STON2: variants seen among roughly 807,000 people sequenced by gnomAD.
STON2 encodes stonin 2.
A neutral mutation model predicts 65.7 loss-of-function variants in STON2; 29 were observed. That is an observed-to-expected ratio of 0.44 (90% CI 0.33 to 0.60). The LOEUF (loss-of-function observed/expected upper bound fraction) is 0.60, where lower values mean the gene tolerates loss of function less well. Among genes scored for constraint, STON2 ranks in the 20% least tolerant of loss-of-function variants. The pLI is 0.03. For synonymous variants in STON2, 404 were observed against 414.2 expected, an observed-to-expected ratio of 0.98 and a Z score of 0.30; for missense variants, 1,054 against 1,118.1, an observed-to-expected ratio of 0.94 and a Z score of 0.82.
chr14:81,262,374 A>G lies in STON2; in HGVS notation c.*6040T>C. 2 of 985,412 alleles carry G rather than the reference A, an allele frequency of 2.0e-6. No individual in the cohort carries two copies. The highest frequency in any genetic ancestry group is 2.4e-6 in the Non-Finnish European group (2 of 829,876). 61.0% of individuals were successfully genotyped at this position (985,412 alleles called of 1,614,324 possible). On this transcript the variant is annotated 3_prime_UTR_variant, in exon 8 of 8. Transcript: ENST00000614646. Reference sequence around the variant, plus strand: ...CTGGCTGCTAACACAGCACCTGACCAGAGTAGACATTTGATAAATATTTGT... The same window carrying G: ...CTGGCTGCTAACACAGCACCTGACCGGAGTAGACATTTGATAAATATTTGT...
At chr14:81,318,614 G>C (rs1016090238) in intron 5 of STON2, among the ~76,000 whole-genome samples, 2 of 152,200 alleles carry the variant, frequency 1.3e-5, no homozygotes, top group Non-Finnish European at 2.9e-5. Flanking sequence ...ACTTTGAAAG[G>C]CTGAGGCGGG....
chr14:81,344,854 T>G (rs941610883), intron 4 of STON2, among the ~76,000 whole-genome samples: 4 of 152,250 alleles, frequency 2.6e-5, no homozygotes, highest in African/African-American at 9.6e-5. Flanking sequence ...ATATCCTTTC[T>G]TTGCAGTTTT....
intron 2 of STON2, among the ~76,000 whole-genome samples, chr14:81,416,552 G>A (rs1027718903): frequency 1.3e-5 from 2 of 152,204 alleles, no homozygotes; most frequent in African/African-American, 4.8e-5. Context: ...ATCTATGTGA[G>A]CCATGCCCAC....
intron 2 of STON2, among the ~76,000 whole-genome samples, chr14:81,420,983 T>C (rs1345624405): frequency 2.0e-5 from 3 of 152,144 alleles, no homozygotes; most frequent in Non-Finnish European, 4.4e-5. Flanking sequence ...GGGTGGGATC[T>C]GGACATGAAT....
At chr14:81,399,378 ATAGAAG>A (rs1266052811) in intron 1 of STON2, among the ~76,000 whole-genome samples, 2 of 152,214 alleles carry the variant, frequency 1.3e-5, no homozygotes, top group African/African-American at 4.8e-5. Flanking sequence ...ATGTGCTTCC[ATAGAAG>A]AGCTACTATA....
chr14:81,308,977 T>A (rs904778441), intron 5 of STON2, among the ~76,000 whole-genome samples: 8 of 150,022 alleles, frequency 5.3e-5, no homozygotes, highest in African/African-American at 2.0e-4. Context: ...GGGCTTCTGA[T>A]AGGAGTGCTT....
Position 81,274,653 on chromosome 14 carries a change from G to A in STON2, c.2581+2248C>T, listed in dbSNP as rs116808476. ...CCAAGTTGCAAAAGTACAAAAAATAGGGCCAGGTGCGGTGCCTCAGACCTG... is the reference window on the plus strand; with the variant it reads ...CCAAGTTGCAAAAGTACAAAAAATAAGGCCAGGTGCGGTGCCTCAGACCTG... On this transcript the variant is annotated intron_variant, in intron 6 of 7. Coordinates refer to ENST00000614646, the MANE Select transcript of STON2 (RefSeq NM_001394390.1). Among the ~76,000 whole-genome samples, 1,494 of 151,996 alleles carry A rather than the reference G, an allele frequency of 9.8e-3. 27 individuals carry two copies. Among genetic ancestry groups the A allele is most frequent in the African/African-American group, 0.035 (1,434 of 41,456 alleles).
chr14:81,292,531 G>A (rs566700619), intron 5 of STON2, among the ~76,000 whole-genome samples: 1 of 152,286 alleles, frequency 6.6e-6, no homozygotes, highest in South Asian at 2.1e-4. Flanking sequence ...CATGAGGTCT[G>A]ATGGTTTTAT....
intron 4 of STON2, among the ~76,000 whole-genome samples, chr14:81,328,177 A>G (rs796564734): frequency 2.0e-5 from 3 of 152,264 alleles, no homozygotes; most frequent in African/African-American, 4.8e-5. Flanking sequence ...TGCTCAATCA[A>G]TATCAAGTGA....
chr14:81,388,690 AG>A (rs1404465227), intron 3 of STON2, among the ~76,000 whole-genome samples: 2 of 152,194 alleles, frequency 1.3e-5, no homozygotes, highest in Non-Finnish European at 2.9e-5. Flanking sequence ...CTTTATTCTT[AG>A]GTGGCACAGT....
intron 5 of STON2, among the ~76,000 whole-genome samples, chr14:81,296,526 C>T (rs1032649530): frequency 1.3e-5 from 2 of 152,130 alleles, no homozygotes; most frequent in Admixed American, 6.5e-5. Context: ...GGGATAGGCT[C>T]GAACCCCCTT....
At chr14:81,334,919 C>G (rs1298918714) in intron 4 of STON2, among the ~76,000 whole-genome samples, 2 of 152,130 alleles carry the variant, frequency 1.3e-5, no homozygotes, top group Non-Finnish European at 2.9e-5. Context: ...CTCACTGCAA[C>G]CTGTATCTCC....
intron 1 of STON2, among the ~76,000 whole-genome samples, chr14:81,427,698 G>T (rs768104110): frequency 4.7e-5 from 7 of 149,826 alleles, no homozygotes; most frequent in Non-Finnish European, 1.0e-4. Flanking sequence ...ATAACAAAAA[G>T]AATAAGGATG....
rs777697697 is a variant in STON2 at position 81,276,995 on chromosome 14, C to T, written c.2487G>A (p.Glu829=). ...TTCCCAGAGTTACTCTCATGACAGG[C>T]TCAGAGCCAGAAACACTAGTGGAGC... ...SFGSTSVSGS[E]PVMRVTLGTA... Residue 829 remains glutamate (E), a synonymous_variant, in exon 6 of 8, where the codon GAG becomes GAA. Transcript: ENST00000614646. The T allele has an allele frequency of 6.2e-7, 1 of 1,614,234 alleles. No individual in the cohort carries two copies. The highest frequency in any genetic ancestry group is 2.2e-5 in the East Asian group (1 of 44,882).
chr14:81,268,518 A>G (rs1362453893), intron 7 of STON2, 21 bp from the exon 8 acceptor site: 1 of 1,289,314 alleles, frequency 7.8e-7, no homozygotes, highest in Admixed American at 2.3e-5. Context: ...TAGAAGTTGG[A>G]GATAAAGATC....
chr14:81,421,847 T>G (rs898367847), intron 2 of STON2, among the ~76,000 whole-genome samples: 1 of 152,046 alleles, frequency 6.6e-6, no homozygotes, highest in African/African-American at 2.4e-5. Flanking sequence ...GATTTAGAGC[T>G]CAGAAGAAGA....
chr14:81,292,967 T>G (rs1343803633), intron 5 of STON2, among the ~76,000 whole-genome samples: 1 of 152,182 alleles, frequency 6.6e-6, no homozygotes, highest in Non-Finnish European at 1.5e-5. Context: ...ACTTCACAAT[T>G]GTCCTTTTGG....
chr14:81,276,876 T>G (rs980346543), intron 6 of STON2, 25 bp downstream of exon 6: 1 of 1,590,572 alleles, frequency 6.3e-7, no homozygotes, highest in African/African-American at 1.3e-5. Flanking sequence ...ATGTTTGTTT[T>G]CACAGAAGAG....
At chr14:81,357,622 T>A (rs1898300712) in intron 4 of STON2, among the ~76,000 whole-genome samples, 1 of 151,744 alleles carries the variant, frequency 6.6e-6, no homozygotes, top group African/African-American at 2.4e-5. Flanking sequence ...GTGGCACTAT[T>A]CACTTGGAAC....
Sources: allele counts gnomAD v4.1 joint callset (sites outside exome capture counted in the v4.1 genomes callset), GRCh38; gene constraint gnomAD v4.1.1; transcripts MANE v1.5; gene names NCBI Gene and HGNC (gene_info 2026-07-23, HGNC 2026-07-21).